The following PDZRN3 variants were observed in gnomAD, a reference collection of about 807,000 sequenced individuals.
PDZRN3 encodes E3 ubiquitin-protein ligase PDZRN3.
In PDZRN3, 38 loss-of-function variants were observed where a neutral mutation model predicts 85.7. The observed-to-expected ratio is 0.44, with a 90% CI of 0.34 to 0.58. The LOEUF is 0.58. Among genes scored for constraint, PDZRN3 ranks in the 20% least tolerant of loss-of-function variants. The pLI is 0.01. For missense variants in PDZRN3, 1,629 were observed against 1,506.4 expected, an observed-to-expected ratio of 1.08 and a Z score of -1.35; for synonymous variants, 759 against 638.0, an observed-to-expected ratio of 1.19 and a Z score of -2.86.
At chr3:73,431,570 G>A (rs910468557) in intron 3 of PDZRN3, among the ~76,000 whole-genome samples, 2 of 152,224 alleles carry the variant, frequency 1.3e-5, no homozygotes, top group African/African-American at 4.8e-5. Context: ...ATTCCTGCAA[G>A]TGTTTTGTGA....
intron 3 of PDZRN3, among the ~76,000 whole-genome samples, chr3:73,542,284 T>C (rs1421659110): frequency 2.0e-5 from 3 of 152,198 alleles, no homozygotes; most frequent in South Asian, 2.1e-4. Context: ...AACCAGCACC[T>C]GGGCAAGAAT....
chr3:73,484,177 T>C (rs1322830407), intron 3 of PDZRN3, among the ~76,000 whole-genome samples: 2 of 151,968 alleles, frequency 1.3e-5, no homozygotes, highest in African/African-American at 2.4e-5. Context: ...GTCTAAAGCA[T>C]CTCTAAGGTG....
Position 73,384,462 on chromosome 3 carries a change from T to G in PDZRN3, c.2104A>C (p.Ile702Leu). The change falls in exon 10 of 10, where the codon ATC becomes CTC. Residue 702 changes from isoleucine to leucine, a missense_variant. Coordinates refer to ENST00000263666, the MANE Select transcript of PDZRN3 (RefSeq NM_015009.3). ...TGCTGCATCTTGTGGGCGCGCACGA[T>G]GCTCAGGCACTCCAGCTCGATGCTG... The part of the protein sequence containing the change: ...LRSIELECLS[I>L]VRAHKMQQLK... 3 of 1,612,980 alleles carry G rather than the reference T, an allele frequency of 1.9e-6. No homozygotes were observed. Among genetic ancestry groups the G allele is most frequent in the Non-Finnish European group, 2.5e-6 (3 of 1,179,998 alleles).
chr3:73,493,046 T>C (rs1037389278), intron 3 of PDZRN3, among the ~76,000 whole-genome samples: 1 of 133,284 alleles, frequency 7.5e-6, no homozygotes, highest in Non-Finnish European at 1.6e-5. Flanking sequence ...TGTGAAATTT[T>C]ATAAAGAATG....
chr3:73,621,282 A>C lies in PDZRN3; in HGVS notation c.723+2821T>G, dbSNP rs77504936. On this transcript the variant is annotated intron_variant, in intron 1 of 9. Transcript: ENST00000263666. ...GGTGTCAAAAAAACTGAAACCTAAGATAATTTAAAGAATGCCACATCATTT... is the reference window on the plus strand; with the variant it reads ...GGTGTCAAAAAAACTGAAACCTAAGCTAATTTAAAGAATGCCACATCATTT... Among the ~76,000 whole-genome samples, 1,059 of 152,354 alleles carry C rather than the reference A, an allele frequency of 7.0e-3. 13 individuals are homozygous for C. The highest frequency in any genetic ancestry group is 0.023 in the African/African-American group (960 of 41,574).
Position 73,602,586 on chromosome 3 carries a change from A to G in PDZRN3, c.811-125T>C, listed in dbSNP as rs1444034161. 3.6e-5 allele frequency: 22 copies of G among 607,432 alleles called. No individual in the cohort carries two copies. The Admixed American group carries it at 6.9e-4, about 19-fold the overall frequency. 37.6% of individuals were successfully genotyped at this position (607,432 alleles called of 1,614,324 possible). A position where few individuals can be genotyped will look rare whatever the true frequency, so the allele number is the denominator to read the frequency against. ...CAAGAGTGGCAATAGGGTAAAAGGT[A>G]TTTGTTTCTCCTAATTTCTGTTTTA... On this transcript the variant is annotated intron_variant, in intron 2 of 9. Coordinates refer to ENST00000263666, the MANE Select transcript of PDZRN3 (RefSeq NM_015009.3).
At chr3:73,422,620 G>T (rs1198464263) in intron 3 of PDZRN3, among the ~76,000 whole-genome samples, 1 of 152,180 alleles carries the variant, frequency 6.6e-6, no homozygotes, top group African/African-American at 2.4e-5. Context: ...ATATGGAGTA[G>T]AGTTGGTTCT....
At chr3:73,561,163 A>T (rs1701807118) in intron 3 of PDZRN3, among the ~76,000 whole-genome samples, 1 of 152,202 alleles carries the variant, frequency 6.6e-6, no homozygotes, top group Non-Finnish European at 1.5e-5. Context: ...AAAATATAGA[A>T]TTTGTTTGTG....
At chr3:73,423,461 C>T (rs1241689655) in intron 3 of PDZRN3, among the ~76,000 whole-genome samples, 1 of 152,204 alleles carries the variant, frequency 6.6e-6, no homozygotes, top group Non-Finnish European at 1.5e-5. Flanking sequence ...TGGTTTAGTG[C>T]TGTGAATAGT....
chr3:73,419,838 CAT>C (rs1207538222), intron 3 of PDZRN3, among the ~76,000 whole-genome samples: 21 of 152,174 alleles, frequency 1.4e-4, no homozygotes, highest in African/African-American at 4.1e-4. Flanking sequence ...TTGATATAAA[CAT>C]ATATGTTTTT....
chr3:73,417,804 T>C (rs1702122528), intron 3 of PDZRN3, among the ~76,000 whole-genome samples: 1 of 152,232 alleles, frequency 6.6e-6, no homozygotes, highest in South Asian at 2.1e-4. Context: ...CTTTTATCAG[T>C]AGAATGTATA....
At chr3:73,529,288 C>T (rs1039876642) in intron 3 of PDZRN3, among the ~76,000 whole-genome samples, 5 of 152,068 alleles carry the variant, frequency 3.3e-5, no homozygotes, top group Admixed American at 6.5e-5. Context: ...TGTTTGGTGC[C>T]GGCACCCTTG....
At chr3:73,622,037 C>T (rs1702872137) in intron 1 of PDZRN3, among the ~76,000 whole-genome samples, 1 of 152,198 alleles carries the variant, frequency 6.6e-6, no homozygotes, top group African/African-American at 2.4e-5. Flanking sequence ...ATAAGCGTCA[C>T]TTAAAACGAC....
intron 3 of PDZRN3, among the ~76,000 whole-genome samples, chr3:73,586,497 C>T (rs57813445): frequency 0.095 from 14,429 of 152,258 alleles, 2,293 homozygotes; most frequent in African/African-American, 0.33. Flanking sequence ...GGTGCTAGTA[C>T]TGAGAATATG....
At chr3:73,570,250 CAAAT>C (rs970649712) in intron 3 of PDZRN3, among the ~76,000 whole-genome samples, 2 of 152,112 alleles carry the variant, frequency 1.3e-5, no homozygotes, top group Non-Finnish European at 2.9e-5. Context: ...AATGAAAAAA[CAAAT>C]AAATGAATGA....
chr3:73,603,813 G>A (rs1702552373), intron 2 of PDZRN3, among the ~76,000 whole-genome samples: 1 of 151,484 alleles, frequency 6.6e-6, no homozygotes, highest in Admixed American at 6.6e-5. Context: ...CAATAACTAA[G>A]CTTGGAAAAA....
intron 3 of PDZRN3, among the ~76,000 whole-genome samples, chr3:73,521,213 G>A (rs369680487): frequency 2.0e-5 from 3 of 152,126 alleles, no homozygotes; most frequent in Non-Finnish European, 4.4e-5. Context: ...GTGCCACTCC[G>A]TCAGCACCCC....
chr3:73,581,563 G>A (rs1186283881), intron 3 of PDZRN3, among the ~76,000 whole-genome samples: 1 of 152,142 alleles, frequency 6.6e-6, no homozygotes, highest in Admixed American at 6.5e-5. Flanking sequence ...TAGGAAATGG[G>A]TAGAGGGACA....
At chr3:73,574,220 G>T (rs1390948082) in intron 3 of PDZRN3, among the ~76,000 whole-genome samples, 1 of 152,140 alleles carries the variant, frequency 6.6e-6, no homozygotes, top group Admixed American at 6.5e-5. Flanking sequence ...AAAGCCAAAG[G>T]CTGTCCTCTA....
Sources: allele counts gnomAD v4.1 joint callset (sites outside exome capture counted in the v4.1 genomes callset), GRCh38; gene constraint gnomAD v4.1.1; transcripts MANE v1.5; gene names NCBI Gene and HGNC (gene_info 2026-07-23, HGNC 2026-07-21).